Variants in TAF1 observed in about 807,000 individuals in gnomAD.
The protein encoded by TAF1 is TATA-box binding protein associated factor 1.
In TAF1, 2 loss-of-function variants were observed where a neutral mutation model predicts 138.5. The observed-to-expected ratio is 0.01, with a 90% CI of 0.01 to 0.05. The LOEUF is 0.05. TAF1 is among the 10% of genes least tolerant of loss of function. TAF1 has a pLI of 1.00. For missense variants in TAF1, 709 were observed against 1,478.0 expected (o/e 0.48, Z 8.53); for synonymous variants, 437 against 503.2 (o/e 0.87, Z 1.76).
intron 32 of TAF1, among the ~76,000 whole-genome samples, chrX:71,424,708 C>T (rs1481157395): frequency 8.9e-6 from 1 of 112,077 alleles, no homozygotes; most frequent in Non-Finnish European, 1.9e-5. Flanking sequence ...CTGCAACCTC[C>T]ACCTCTCCCA....
intron 13 of TAF1, among the ~76,000 whole-genome samples, chrX:71,524,672 G>T (rs1407760459): frequency 1.8e-5 from 2 of 109,374 alleles, no homozygotes; most frequent in Non-Finnish European, 3.8e-5. Flanking sequence ...GCTGGGTGTG[G>T]TGGCTCACGC....
At chrX:71,528,266 T>C in intron 13 of TAF1, 1 of 258,856 alleles carries the variant, frequency 3.9e-6, no homozygotes, top group Non-Finnish European at 7.2e-6. Context: ...CCCAGCACCA[T>C]TATTATTTTG....
At chrX:71,459,110 C>T in intron 35 of TAF1, 2 of 992,399 alleles carry the variant, frequency 2.0e-6, no homozygotes, top group Non-Finnish European at 2.7e-6. Flanking sequence ...CTCCTACAGG[C>T]ACGTCCCTCA....
intron 32 of TAF1, among the ~76,000 whole-genome samples, chrX:71,439,685 G>A (rs2037318065): frequency 8.9e-6 from 1 of 111,796 alleles, no homozygotes; most frequent in South Asian, 3.7e-4. Context: ...TTCCGCAAGA[G>A]CAGTCAAAAA....
chrX:71,440,998 T>TGTTG (rs2037389347), intron 32 of TAF1, among the ~76,000 whole-genome samples: 1 of 109,970 alleles, frequency 9.1e-6, no homozygotes, highest in Non-Finnish European at 1.9e-5. Flanking sequence ...CTTCCTGGGT[T>TGTTG]CAAGCAATTC....
chrX:71,408,875 G>A (rs1307191665), intron 28 of TAF1, among the ~76,000 whole-genome samples: 4 of 110,035 alleles, frequency 3.6e-5, no homozygotes, highest in African/African-American at 9.9e-5. Context: ...TTATCTGGGC[G>A]TAGTGGCGGG....
chrX:71,384,096 G>C lies in TAF1; in HGVS notation c.2082G>C (p.Gln694His). Reference sequence around the variant, plus strand: ...AGGAAAATGGACCCTTAATGATGCAGGTTGGCATGGCAACCAAGATAAAGA... The same window carrying C: ...AGGAAAATGGACCCTTAATGATGCACGTTGGCATGGCAACCAAGATAAAGA... ...YSEENGPLMMQVGMATKIKNY... is the reference protein window; with the variant it reads ...YSEENGPLMMHVGMATKIKNY... The change falls in exon 13 of 38, where the codon CAG becomes CAC. Residue 694 changes from glutamine (Q) to histidine (H), a missense_variant. Physicochemically the swap from Gln to His is conservative, Grantham distance 24. Around this residue, in one of 14 missense-constraint regions of TAF1, gnomAD observed 201 missense variants for 421.3 expected, o/e 0.48. Coordinates refer to ENST00000423759, the MANE Select transcript of TAF1 (RefSeq NM_004606.5). The C allele has an allele frequency of 8.3e-7, 1 of 1,211,509 alleles. No individual in the cohort carries two copies. The highest frequency in any genetic ancestry group is 1.1e-6 in the Non-Finnish European group (1 of 895,517).
intron 13 of TAF1, chrX:71,528,015 A>T (rs1368780409): frequency 5.8e-6 from 1 of 172,343 alleles, no homozygotes; most frequent in Non-Finnish European, 1.1e-5. Flanking sequence ...ATAAGAAAAA[A>T]CTCTATTTTC....
intron 32 of TAF1, among the ~76,000 whole-genome samples, chrX:71,433,563 G>A (rs985359888): frequency 2.7e-5 from 3 of 111,083 alleles, no homozygotes; most frequent in Non-Finnish European, 5.6e-5. Flanking sequence ...AGTATCCAGT[G>A]TTGCTAGATA....
At chrX:71,368,853 T>A (rs1258640781) in intron 3 of TAF1, 1 of 98,357 alleles carries the variant, frequency 1.0e-5, no homozygotes, top group East Asian at 3.3e-4. Context: ...ACAACTGTTT[T>A]TTTTTTTTTT....
At chrX:71,497,515 C>T (rs1238393399) in intron 13 of TAF1, among the ~76,000 whole-genome samples, 5 of 111,415 alleles carry the variant, frequency 4.5e-5, no homozygotes, top group East Asian at 2.8e-4. Flanking sequence ...TGGCCACCAC[C>T]GCTACTACCC....
At chrX:71,498,168 C>G (rs1051019641) in intron 13 of TAF1, among the ~76,000 whole-genome samples, 2 of 111,737 alleles carry the variant, frequency 1.8e-5, no homozygotes, top group African/African-American at 6.5e-5. Context: ...CCTGACCAAA[C>G]AGATAAGGTC....
rs1475989296 is a variant in TAF1, at chrX:71,527,323, T to C, written c.1367-1219T>C. On this transcript the variant is annotated intron_variant and NMD_transcript_variant, in intron 13 of 14. Coordinates refer to the TAF1 transcript ENST00000373775. ...ATTGCTTGAACCTGAGAGGCGGAGG[T>C]TGCAGCAAGGTGAGATCGTGCCACT... is the stretch of plus-strand genomic sequence containing the variant. 3.0e-5 allele frequency among the ~76,000 whole-genome samples: 3 copies of C among 100,231 alleles called. No homozygotes were observed. The Admixed American group carries it at 3.3e-4, about 11-fold the overall frequency. 87.0% of individuals were successfully genotyped at this position (100,231 alleles called of 115,157 possible).
chrX:71,386,862 T>A (rs1172464604), intron 14 of TAF1, among the ~76,000 whole-genome samples: 1 of 113,144 alleles, frequency 8.8e-6, no homozygotes, highest in Non-Finnish European at 1.9e-5. Context: ...AGTAGTATAG[T>A]ACTTGGTACA....
At chrX:71,494,684 G>A (rs1009996144) in intron 13 of TAF1, among the ~76,000 whole-genome samples, 1 of 111,865 alleles carries the variant, frequency 8.9e-6, no homozygotes, top group Non-Finnish European at 1.9e-5. Context: ...TCCTGCCGGT[G>A]GGTTCTTGGT....
At chrX:71,490,232 CAAACT>C (rs2039249348) in intron 13 of TAF1, among the ~76,000 whole-genome samples, 1 of 112,315 alleles carries the variant, frequency 8.9e-6, no homozygotes, top group Non-Finnish European at 1.9e-5. Context: ...CCCTCACCAA[CAAACT>C]AACATGCTGG....
Position 71,397,476 on chromosome X carries a change from A to G in TAF1, c.3620+10A>G, listed in dbSNP as rs112041429. ...AAGATGAGGAATTCATGTGAGTTTG[A>G]TTTACCACTTCCTTTTTTTTCTTTG... On this transcript the variant is annotated intron_variant, in intron 23 of 37. Transcript: ENST00000423759. 30 of 1,208,481 alleles carry G rather than the reference A, an allele frequency of 2.5e-5. No homozygotes were observed. Among genetic ancestry groups the G allele is most frequent in the African/African-American group, 1.4e-4 (8 of 57,141 alleles).
rs142086902 is a variant in TAF1 at position 71,462,564 on chromosome X, C to G, written c.5400-1260C>G. On this transcript the variant is annotated intron_variant, in intron 37 of 37. Transcript: ENST00000423759. ...TCCAGCCTGGTGACAGAGCAAGACTCAGTCTCAAAATGATAATAAAAATAA... is the reference window on the plus strand; with the variant it reads ...TCCAGCCTGGTGACAGAGCAAGACTGAGTCTCAAAATGATAATAAAAATAA... Among the ~76,000 whole-genome samples the G allele has an allele frequency of 3.4e-3, 375 of 111,345 alleles. 1 individual carries two copies. The highest frequency in any genetic ancestry group is 0.01 in the South Asian group (27 of 2,594).
rs1198285656 is a variant in TAF1 at position 71,387,347 on chromosome X, T to C, written c.2313T>C (p.Gly771=). Residue 771 remains glycine, a synonymous_variant, in exon 15 of 38, where the codon GGT becomes GGC. Transcript: ENST00000423759. ...TDFLIIRTRQ[G]YYIRELVDIF... is the part of the protein sequence containing the mutation. Reference sequence around the variant, plus strand: ...TCTTGATCATTCGGACAAGACAGGGTTACTATATTCGGGAATTAGTGGATA... The same window carrying C: ...TCTTGATCATTCGGACAAGACAGGGCTACTATATTCGGGAATTAGTGGATA... The C allele has an allele frequency of 8.2e-7, 1 of 1,212,169 alleles. No individual in the cohort carries two copies. Among genetic ancestry groups the C allele is most frequent in the Non-Finnish European group, 1.1e-6 (1 of 895,636 alleles).
Sources: gnomAD v4.1 joint callset for allele counts (sites outside exome capture counted in the v4.1 genomes callset) on GRCh38, gnomAD v4.1.1 for gene constraint, gnomAD v4.1.1 regional missense constraint, MANE v1.5 for transcripts, NCBI Gene and HGNC (gene_info 2026-07-23, HGNC 2026-07-21) for gene names.